Variants in CLHC1 observed in about 807,000 individuals in gnomAD.
The protein encoded by CLHC1 is clathrin heavy chain linker domain containing 1.
In CLHC1, 72 loss-of-function variants were observed where a neutral mutation model predicts 69.5. The ratio of observed to expected loss-of-function variants is 1.04; its 90% confidence interval spans 0.86 to 1.26. The LOEUF (loss-of-function observed/expected upper bound fraction) is 1.26, where lower values mean the gene tolerates loss of function less well. Among genes scored for constraint, CLHC1 ranks in the 50% most tolerant of loss-of-function variants. The pLI is 0.00. For missense variants in CLHC1, 790 were observed against 679.3 expected (o/e 1.16, Z -1.81); for synonymous variants, 223 against 224.3 (o/e 0.99, Z 0.05).
Position 55,173,796 on chromosome 2 carries a change from T to C in CLHC1, c.*1994A>G, listed in dbSNP as rs1669152956. Among the ~76,000 whole-genome samples the C allele has an allele frequency of 6.6e-6, 1 of 152,192 alleles. No individual in the cohort carries two copies. The highest frequency in any genetic ancestry group is 6.5e-5 in the Admixed American group (1 of 15,276). ...ATTCACTTGACAACTTTTACTTTCCTTGGGAAAGCTGCCAAAGGCAATGCT... is the reference window on the plus strand; with the variant it reads ...ATTCACTTGACAACTTTTACTTTCCCTGGGAAAGCTGCCAAAGGCAATGCT... On this transcript the variant is annotated 3_prime_UTR_variant, in exon 13 of 13. Coordinates refer to ENST00000401408, the MANE Select transcript of CLHC1 (RefSeq NM_152385.4).
At chr2:55,197,819 C>T (rs548987169) in intron 9 of CLHC1, among the ~76,000 whole-genome samples, 1 of 152,224 alleles carries the variant, frequency 6.6e-6, no homozygotes, top group South Asian at 2.1e-4. Flanking sequence ...GCATCAAGAC[C>T]AACCAGGAAA....
At chr2:55,218,882 T>C (rs528028928) in intron 3 of CLHC1, among the ~76,000 whole-genome samples, 2 of 152,326 alleles carry the variant, frequency 1.3e-5, no homozygotes, top group South Asian at 4.1e-4. Context: ...GCTGCAATTA[T>C]GCTTTCTATT....
chr2:55,192,812 G>A (rs774483370), intron 9 of CLHC1, among the ~76,000 whole-genome samples: 11 of 150,170 alleles, frequency 7.3e-5, no homozygotes, highest in African/African-American at 2.7e-4. Context: ...ACATCATACA[G>A]AAAAATTAAC....
Position 55,217,891 on chromosome 2 carries a change from A to G in CLHC1, c.285T>C (p.Leu95=). The change falls in exon 4 of 13, where the codon CTT becomes CTC. Residue 95 remains leucine (L), a synonymous_variant. Transcript: ENST00000401408. The part of the protein sequence containing the change: ...IKKDRRTTFC[L]HGKLKGLAAE... Reference sequence around the variant, plus strand: ...CTGCCAAACCTTTAAGTTTTCCATGAAGACAAAATGTAGTTCTTCGGTCTT... The same window carrying G: ...CTGCCAAACCTTTAAGTTTTCCATGGAGACAAAATGTAGTTCTTCGGTCTT... 6.2e-7 allele frequency: 1 copy of G among 1,606,210 alleles called. No individual in the cohort carries two copies. Among genetic ancestry groups the G allele is most frequent in the Non-Finnish European group, 8.5e-7 (1 of 1,176,682 alleles).
chr2:55,188,702 G>A lies in CLHC1; in HGVS notation c.1007-6958C>T, dbSNP rs906528190. On this transcript the variant is annotated intron_variant, in intron 9 of 12. Coordinates refer to ENST00000401408, the MANE Select transcript of CLHC1 (RefSeq NM_152385.4). ...GAAACCACCTACATGTCAATCCACC[G>A]CAGAACAGATAAATACATTGTAGTA... Among the ~76,000 whole-genome samples the A allele has an allele frequency of 1.1e-4, 17 of 151,542 alleles. No individual in the cohort carries two copies. In the East Asian group the frequency reaches 2.1e-3, roughly 19 times the overall value.
intron 4 of CLHC1, among the ~76,000 whole-genome samples, chr2:55,215,744 G>A (rs1289060683): frequency 2.0e-5 from 3 of 151,950 alleles, no homozygotes; most frequent in African/African-American, 7.3e-5. Context: ...TGAAAATTAT[G>A]GTCACTAGCT....
In CLHC1 at chr2:55,222,430, T is replaced by C. The variant is rs745770599; in HGVS notation, c.-19A>G. On this transcript the variant is annotated 5_prime_UTR_variant, in exon 3 of 13. Coordinates refer to ENST00000401408, the MANE Select transcript of CLHC1 (RefSeq NM_152385.4). The stretch of plus-strand genomic sequence containing the variant: ...CTGACATATTTGACAATCTGCACAC[T>C]TGTTCACTGAAGAACAGCTAAATCT... 1.2e-6 allele frequency: 2 copies of C among 1,606,000 alleles called. No individual in the cohort carries two copies. The highest frequency in any genetic ancestry group is 1.7e-5 in the Admixed American group (1 of 58,880).
intron 9 of CLHC1, among the ~76,000 whole-genome samples, chr2:55,201,269 A>C (rs1271600052): frequency 6.6e-6 from 1 of 151,968 alleles, no homozygotes; most frequent in African/African-American, 2.4e-5. Flanking sequence ...ACAAATCCTT[A>C]GCCAAACTAA....
chr2:55,218,019 C>T, intron 3 of CLHC1, 21 bp from the exon 4 acceptor site: 2 of 1,321,640 alleles, frequency 1.5e-6, no homozygotes, highest in Non-Finnish European at 2.0e-6. Context: ...ATTTTTCTGC[C>T]TATGGTATTG....
At chr2:55,197,917 A>C (rs1221635062) in intron 9 of CLHC1, among the ~76,000 whole-genome samples, 1 of 152,210 alleles carries the variant, frequency 6.6e-6, no homozygotes, top group African/African-American at 2.4e-5. Context: ...GAGAATTCAA[A>C]ATAGCTGTTT....
intron 1 of CLHC1, among the ~76,000 whole-genome samples, chr2:55,229,997 G>A (rs540867272): frequency 2.6e-5 from 4 of 152,328 alleles, no homozygotes; most frequent in African/African-American, 4.8e-5. Flanking sequence ...CACCTAACCC[G>A]GGAAGCAGAG....
chr2:55,181,896 A>C (rs1669973790), intron 9 of CLHC1, 152 bp from the exon 10 acceptor site: 2 of 644,918 alleles, frequency 3.1e-6, no homozygotes, highest in African/African-American at 3.7e-5. Flanking sequence ...CTTATAGATT[A>C]AACTTTATCT....
At chr2:55,213,872 T>C (rs964717479) in intron 4 of CLHC1, among the ~76,000 whole-genome samples, 2 of 152,180 alleles carry the variant, frequency 1.3e-5, no homozygotes, top group African/African-American at 4.8e-5. Flanking sequence ...TGGGAAGTGG[T>C]AGCTAAGGAG....
intron 3 of CLHC1, among the ~76,000 whole-genome samples, chr2:55,220,085 C>G (rs568390938): frequency 6.6e-6 from 1 of 152,178 alleles, no homozygotes; most frequent in Non-Finnish European, 1.5e-5. Flanking sequence ...CTTTGGTCTT[C>G]TCTGCTTACT....
chr2:55,193,188 G>C (rs1022174599), intron 9 of CLHC1, among the ~76,000 whole-genome samples: 3 of 152,030 alleles, frequency 2.0e-5, no homozygotes, highest in Non-Finnish European at 2.9e-5. Flanking sequence ...CACCGCGCCT[G>C]GACAGATCTC....
At position 55,181,752 on chromosome 2, in the gene CLHC1, A is replaced by C; in HGVS notation, c.1007-8T>G. On this transcript the variant is annotated splice_region_variant and splice_polypyrimidine_tract_variant and intron_variant, in intron 9 of 12. Coordinates refer to ENST00000401408, the MANE Select transcript of CLHC1 (RefSeq NM_152385.4). ...CTCTAATTTTTCCAACAGCTACAGAAAGGAGAAAATTTTCTGAGTCAAATA... is the reference window on the plus strand; with the variant it reads ...CTCTAATTTTTCCAACAGCTACAGACAGGAGAAAATTTTCTGAGTCAAATA... 3 of 1,606,452 alleles carry C rather than the reference A, an allele frequency of 1.9e-6. No homozygotes were observed. The highest frequency in any genetic ancestry group is 2.5e-6 in the Non-Finnish European group (3 of 1,177,478).
chr2:55,215,661 T>C (rs1045300437), intron 4 of CLHC1, among the ~76,000 whole-genome samples: 5 of 152,152 alleles, frequency 3.3e-5, no homozygotes, highest in African/African-American at 1.2e-4. Context: ...ATATGGTGAG[T>C]GTTTCCCAAT....
intron 2 of CLHC1, chr2:55,225,512 G>A (rs960175512): frequency 3.9e-5 from 6 of 152,224 alleles, no homozygotes; most frequent in African/African-American, 7.2e-5. Flanking sequence ...CTCCCGGGAA[G>A]CTGAGTGCTG....
chr2:55,196,142 A>G (rs1441053433), intron 9 of CLHC1, among the ~76,000 whole-genome samples: 1 of 152,196 alleles, frequency 6.6e-6, no homozygotes, highest in Admixed American at 6.5e-5. Context: ...CACTTAGACC[A>G]GCCCTAGCCA....
Sources: gnomAD v4.1 joint callset for allele counts (sites outside exome capture counted in the v4.1 genomes callset) on GRCh38, gnomAD v4.1.1 for gene constraint, MANE v1.5 for transcripts, NCBI Gene and HGNC (gene_info 2026-07-23, HGNC 2026-07-21) for gene names.